Variants in GATAD2B observed in about 807,000 individuals in gnomAD.
GATAD2B encodes the protein transcriptional repressor p66-beta.
Under a neutral mutation model 64.3 loss-of-function variants are expected in GATAD2B, and 8 were observed. That is an observed-to-expected ratio of 0.12 (90% confidence interval 0.07 to 0.22). The LOEUF is 0.22. Ranked by LOEUF, GATAD2B falls within the 10% of genes least tolerant of loss-of-function variation. The probability of loss-of-function intolerance (pLI) is 1.00; values close to 1 mark genes in which losing one functional copy is unlikely to be tolerated. For missense variants in GATAD2B, 453 were observed against 752.0 expected (o/e 0.60, Z 4.65); for synonymous variants, 281 against 271.3 (o/e 1.04, Z -0.35).
At chr1:153,873,367 T>C (rs556530928) in intron 1 of GATAD2B, among the ~76,000 whole-genome samples, 3 of 152,342 alleles carry the variant, frequency 2.0e-5, no homozygotes, top group African/African-American at 7.2e-5. Context: ...CCCCCAGAAG[T>C]TCATCTGTTG....
chr1:153,824,758 G>GAA (rs72042190), intron 2 of GATAD2B, among the ~76,000 whole-genome samples: 2,970 of 146,632 alleles, frequency 0.02, 106 homozygotes, highest in African/African-American at 0.071. Flanking sequence ...CTGAAAACAG[G>GAA]AAAAAAAAAA....
intron 1 of GATAD2B, among the ~76,000 whole-genome samples, chr1:153,872,779 C>A (rs1202291242): frequency 3.3e-5 from 5 of 152,160 alleles, no homozygotes; most frequent in African/African-American, 1.2e-4. Flanking sequence ...AAGAAGACAA[C>A]TAGTTAGCTG....
intron 1 of GATAD2B, among the ~76,000 whole-genome samples, chr1:153,892,382 T>C (rs1677442591): frequency 6.6e-6 from 1 of 152,020 alleles, no homozygotes; most frequent in African/African-American, 2.4e-5. Context: ...ATATTAAACA[T>C]ACTAATAAGT....
chr1:153,894,535 C>T (rs1235972439), intron 1 of GATAD2B, among the ~76,000 whole-genome samples: 1 of 151,882 alleles, frequency 6.6e-6, no homozygotes, highest in Non-Finnish European at 1.5e-5. Context: ...AATTAAACTA[C>T]TTTTCTGTAT....
chr1:153,835,774 G>A (rs1675239522), intron 1 of GATAD2B, among the ~76,000 whole-genome samples: 1 of 152,120 alleles, frequency 6.6e-6, no homozygotes, highest in Non-Finnish European at 1.5e-5. Flanking sequence ...CCAGGCTGGA[G>A]TGGAGTGGCG....
intron 1 of GATAD2B, among the ~76,000 whole-genome samples, chr1:153,846,829 GATTACAGGCGTGAGCC>G (rs1391983508): frequency 6.6e-6 from 1 of 152,044 alleles, no homozygotes; most frequent in Admixed American, 6.6e-5. Flanking sequence ...CAAGTGCTGG[GATTACAGGCGTGAGCC>G]ACCGCACCTG....
At position 153,840,398 on chromosome 1, in the gene GATAD2B, C is replaced by T. The variant is rs189465738; in HGVS notation, c.-1-12050G>A. On this transcript the variant is annotated intron_variant, in intron 1 of 10. Coordinates refer to ENST00000368655, the MANE Select transcript of GATAD2B (RefSeq NM_020699.4). ...TGTTGCCCAGGCTGGAGTGCAATGG[C>T]GCGATCTCGGCTCACCGCAACCTCC... Among the ~76,000 whole-genome samples, 629 of 151,274 alleles carry T rather than the reference C, an allele frequency of 4.2e-3. 5 individuals are homozygous for T. Among genetic ancestry groups the T allele is most frequent in the African/African-American group, 0.014 (584 of 41,200 alleles).
At chr1:153,841,761 A>G (rs945424738) in intron 1 of GATAD2B, among the ~76,000 whole-genome samples, 1 of 152,130 alleles carries the variant, frequency 6.6e-6, no homozygotes, top group African/African-American at 2.4e-5. Context: ...CATTCATGGG[A>G]AAGTTTTTGT....
rs974360181 is a variant in GATAD2B at position 153,810,070 on chromosome 1, G to A, written c.*107C>T. The A allele has an allele frequency of 6.6e-5, 72 of 1,090,020 alleles. No individual in the cohort carries two copies. In the East Asian group the frequency reaches 1.7e-3, roughly 26 times the overall value. 67.5% of individuals were successfully genotyped at this position (1,090,020 alleles called of 1,614,324 possible). A position where few individuals can be genotyped will look rare whatever the true frequency, so the allele number is the denominator to read the frequency against. ...CTTCTGTTTTTCTGTTTTGCTTTCC[G>A]TGTATGGTAGGCACCAGTACAGGCA... On this transcript the variant is annotated 3_prime_UTR_variant, in exon 11 of 11. Coordinates refer to ENST00000368655, the MANE Select transcript of GATAD2B (RefSeq NM_020699.4).
At chr1:153,852,924 C>T (rs1675953949) in intron 1 of GATAD2B, 1 of 820,458 alleles carries the variant, frequency 1.2e-6, no homozygotes, top group East Asian at 2.4e-5. Context: ...GCTGCATTAT[C>T]TGACTTCCTA....
chr1:153,820,164 A>AG (rs1435833425), intron 2 of GATAD2B, among the ~76,000 whole-genome samples: 2 of 152,120 alleles, frequency 1.3e-5, no homozygotes, highest in Non-Finnish European at 2.9e-5. Context: ...ACACAAAAGA[A>AG]GGAAGTATTA....
intron 1 of GATAD2B, among the ~76,000 whole-genome samples, chr1:153,845,852 T>C (rs926585210): frequency 2.0e-5 from 3 of 152,068 alleles, no homozygotes; most frequent in African/African-American, 7.2e-5. Context: ...GAAGGATTGT[T>C]TAAGCTCTGG....
chr1:153,897,188 C>T (rs1325930598), intron 1 of GATAD2B, among the ~76,000 whole-genome samples: 1 of 152,044 alleles, frequency 6.6e-6, no homozygotes, highest in East Asian at 1.9e-4. Context: ...CGCCACCTCA[C>T]CCAGCTAATT....
At chr1:153,810,384 G>C in intron 10 of GATAD2B, 74 bp from the exon 11 acceptor site, 3 of 1,490,830 alleles carry the variant, frequency 2.0e-6, no homozygotes, top group Non-Finnish European at 2.8e-6. Flanking sequence ...CTACCCTCGG[G>C]CTGCAGAGTT....
intron 1 of GATAD2B, among the ~76,000 whole-genome samples, chr1:153,903,172 C>T (rs191570003): frequency 7.4e-4 from 112 of 151,634 alleles, no homozygotes; most frequent in African/African-American, 2.7e-3. Flanking sequence ...GAACCGAGAT[C>T]GCTCCACTGC....
chr1:153,914,704 C>CAGG (rs1678211984), intron 1 of GATAD2B: 1 of 152,356 alleles, frequency 6.6e-6, no homozygotes, highest in South Asian at 2.1e-4. Context: ...GAGGCCAAGG[C>CAGG]AGGAGGACTA....
At chr1:153,842,529 T>C (rs1675532871) in intron 1 of GATAD2B, among the ~76,000 whole-genome samples, 1 of 128,858 alleles carries the variant, frequency 7.8e-6, no homozygotes, top group Non-Finnish European at 1.9e-5. Flanking sequence ...TTATTGCATA[T>C]ACATGTAATC....
intron 1 of GATAD2B, among the ~76,000 whole-genome samples, chr1:153,837,373 C>CA (rs148053086): frequency 0.041 from 2,588 of 63,564 alleles, 66 homozygotes; most frequent in African/African-American, 0.096. Context: ...AAAAACAAAA[C>CA]AAACAAAAAA....
chr1:153,880,728 C>G (rs1235743555), intron 1 of GATAD2B, among the ~76,000 whole-genome samples: 2 of 151,906 alleles, frequency 1.3e-5, no homozygotes, highest in African/African-American at 4.8e-5. Flanking sequence ...CCTGCAGTCC[C>G]AGCTACTCAA....
Sources: allele counts gnomAD v4.1 joint callset (sites outside exome capture counted in the v4.1 genomes callset), GRCh38; gene constraint gnomAD v4.1.1; transcripts MANE v1.5; gene names NCBI Gene and HGNC (gene_info 2026-07-23, HGNC 2026-07-21).